Variants in PDE4B observed in about 807,000 individuals in gnomAD.
PDE4B encodes 3',5'-cyclic-AMP phosphodiesterase 4B.
Under a neutral mutation model 82.2 loss-of-function variants are expected in PDE4B, and 20 were observed. That is an observed-to-expected ratio of 0.24 (90% CI 0.17 to 0.35). PDE4B has a LOEUF of 0.35. PDE4B is among the 10% of genes least tolerant of loss of function. PDE4B has a pLI of 1.00. For missense variants in PDE4B, 655 were observed against 907.2 expected (o/e 0.72, Z 3.57); for synonymous variants, 320 against 318.9 (o/e 1.00, Z -0.04).
intron 3 of PDE4B, among the ~76,000 whole-genome samples, chr1:66,034,841 C>G (rs1653981998): frequency 6.6e-6 from 1 of 152,088 alleles, no homozygotes; most frequent in African/African-American, 2.4e-5. Flanking sequence ...TTTATCTTAC[C>G]ATTCAGTTTC....
At chr1:66,337,324 C>A (rs543350894) in intron 8 of PDE4B, among the ~76,000 whole-genome samples, 91 of 152,328 alleles carry the variant, frequency 6.0e-4, no homozygotes, top group African/African-American at 2.2e-3. Context: ...CAGCTTTGCT[C>A]CCCTCTCTAA....
intron 3 of PDE4B, among the ~76,000 whole-genome samples, chr1:65,948,477 A>T (rs775133571): frequency 6.6e-6 from 1 of 151,920 alleles, no homozygotes; most frequent in Non-Finnish European, 1.5e-5. Context: ...CATGGGAGAA[A>T]GATAGAGGCT....
At chr1:66,208,439 G>T (rs1162138730) in intron 3 of PDE4B, among the ~76,000 whole-genome samples, 1 of 152,152 alleles carries the variant, frequency 6.6e-6, no homozygotes, top group Non-Finnish European at 1.5e-5. Flanking sequence ...GTTCTAGAGA[G>T]GTACCCATGG....
chr1:66,103,765 A>G (rs956059244), intron 3 of PDE4B, among the ~76,000 whole-genome samples: 4 of 152,114 alleles, frequency 2.6e-5, no homozygotes, highest in South Asian at 2.1e-4. Context: ...TTGGGCTTCC[A>G]TGTGGTCTCT....
intron 3 of PDE4B, among the ~76,000 whole-genome samples, chr1:66,241,579 C>G (rs1341669664): frequency 5.6e-4 from 85 of 152,170 alleles, no homozygotes; most frequent in Non-Finnish European, 5.9e-5. Flanking sequence ...CATCTTGTCT[C>G]ACTGCAATCT....
intron 1 of PDE4B, among the ~76,000 whole-genome samples, chr1:65,837,707 T>C (rs1290736546): frequency 6.6e-6 from 1 of 152,226 alleles, no homozygotes; most frequent in Non-Finnish European, 1.5e-5. Context: ...CTTACTGGCA[T>C]GGATTTTGTT....
rs1218215666 is a variant in PDE4B, at chr1:66,374,129, A to T, written c.*1451A>T. The T allele has an allele frequency of 1.3e-5, 2 of 152,742 alleles. No homozygotes were observed. The highest frequency in any genetic ancestry group is 3.9e-4 in the East Asian group (2 of 5,188). The allele number at this position is 152,742 out of a possible 1,614,324, so 9.5% of individuals were successfully genotyped here. A position where few individuals can be genotyped will look rare whatever the true frequency, so the allele number is the denominator to read the frequency against. ...AAGGAAACACTACATTTGCTCACAG[A>T]TGATTCTTCTGAATGCTCCCGAACT... On this transcript the variant is annotated 3_prime_UTR_variant, in exon 17 of 17. Transcript: ENST00000341517.
chr1:66,263,186 A>G (rs553850189), intron 6 of PDE4B, among the ~76,000 whole-genome samples: 6 of 152,380 alleles, frequency 3.9e-5, no homozygotes, highest in East Asian at 3.9e-4. Context: ...GAAATACAAT[A>G]TAGAATGAGC....
At chr1:66,153,148 C>T (rs968753295) in intron 3 of PDE4B, among the ~76,000 whole-genome samples, 1 of 152,192 alleles carries the variant, frequency 6.6e-6, no homozygotes, top group Non-Finnish European at 1.5e-5. Context: ...TCATGCCCCA[C>T]ACCAGATTGC....
At chr1:65,948,048 G>A (rs7531270) in intron 3 of PDE4B, among the ~76,000 whole-genome samples, 50,003 of 148,904 alleles carry the variant, frequency 0.34, 8,755 homozygotes, top group East Asian at 0.49. Context: ...CATTATCCTC[G>A]TGGAAGTGTC....
At chr1:65,912,341 A>C (rs1324356758) in intron 1 of PDE4B, among the ~76,000 whole-genome samples, 2 of 152,112 alleles carry the variant, frequency 1.3e-5, no homozygotes, top group Admixed American at 6.6e-5. Context: ...CATCAACCCA[A>C]ATAGTGAAGA....
At chr1:66,255,892 G>A (rs1443746874) in intron 4 of PDE4B, among the ~76,000 whole-genome samples, 3 of 152,252 alleles carry the variant, frequency 2.0e-5, no homozygotes, top group African/African-American at 7.2e-5. Flanking sequence ...TAGGCTGGGT[G>A]TAGTGGTTTA....
intron 3 of PDE4B, among the ~76,000 whole-genome samples, chr1:66,100,794 T>C (rs1413527919): frequency 6.6e-6 from 1 of 152,190 alleles, no homozygotes; most frequent in African/African-American, 2.4e-5. Flanking sequence ...ATCTTTGTAT[T>C]TTAATAGTTA....
At chr1:65,961,797 A>T (rs1053958374) in intron 3 of PDE4B, among the ~76,000 whole-genome samples, 1 of 152,138 alleles carries the variant, frequency 6.6e-6, no homozygotes, top group Non-Finnish European at 1.5e-5. Flanking sequence ...GCCATAGAGG[A>T]TCAGTTCCTT....
At chr1:66,352,678 C>A (rs890589693) in intron 8 of PDE4B, among the ~76,000 whole-genome samples, 3 of 151,062 alleles carry the variant, frequency 2.0e-5, no homozygotes, top group Non-Finnish European at 2.9e-5. Context: ...AGAATGAAAG[C>A]TGATTAAAAG....
intron 1 of PDE4B, among the ~76,000 whole-genome samples, chr1:65,898,789 A>G (rs771807527): frequency 6.6e-6 from 1 of 152,098 alleles, no homozygotes; most frequent in Non-Finnish European, 1.5e-5. Context: ...CTGGAACCTC[A>G]TCTCTCACCT....
At chr1:66,039,507 G>C (rs1440035410) in intron 3 of PDE4B, among the ~76,000 whole-genome samples, 2 of 151,952 alleles carry the variant, frequency 1.3e-5, no homozygotes, top group Non-Finnish European at 2.9e-5. Flanking sequence ...TGTTCTAACA[G>C]GTTCACCAAC....
chr1:66,372,840 A>G lies in PDE4B; in HGVS notation c.*162A>G. 1.5e-6 allele frequency: 1 copy of G among 652,354 alleles called. No homozygotes were observed. The highest frequency in any genetic ancestry group is 2.6e-6 in the Non-Finnish European group (1 of 390,194). 40.4% of individuals were successfully genotyped at this position (652,354 alleles called of 1,614,324 possible). ...CAGAAAGCAAGACCAGGAAGCAAAT[A>G]GCAGCTCAGGAAATCCCACGGTTGA... On this transcript the variant is annotated 3_prime_UTR_variant, in exon 17 of 17. Transcript: ENST00000341517.
At chr1:66,315,587 C>G (rs571965159) in intron 7 of PDE4B, among the ~76,000 whole-genome samples, 1 of 152,168 alleles carries the variant, frequency 6.6e-6, no homozygotes, top group East Asian at 1.9e-4. Flanking sequence ...TCCTGAGTAG[C>G]TGGGATTATA....
Sources: allele counts gnomAD v4.1 joint callset (sites outside exome capture counted in the v4.1 genomes callset), GRCh38; gene constraint gnomAD v4.1.1; transcripts MANE v1.5; gene names NCBI Gene and HGNC (gene_info 2026-07-23, HGNC 2026-07-21).